Variants in LMBR1L observed in about 807,000 individuals in gnomAD.
The protein encoded by LMBR1L is protein LMBR1L.
A neutral mutation model predicts 67.3 loss-of-function variants in LMBR1L; 47 were observed. The observed-to-expected ratio is 0.70, with a 90% CI of 0.55 to 0.89. The LOEUF (loss-of-function observed/expected upper bound fraction) is 0.89. Ranked by LOEUF, LMBR1L falls within the 40% of genes least tolerant of loss-of-function variation. The pLI is 0.00. For missense variants in LMBR1L, 533 were observed against 599.2 expected, an observed-to-expected ratio of 0.89 and a Z score of 1.15; for synonymous variants, 247 against 250.3, an observed-to-expected ratio of 0.99 and a Z score of 0.13.
At chr12:49,100,342 T>C (rs369647758) in intron 15 of LMBR1L, 46 bp downstream of exon 15, 2 of 1,452,474 alleles carry the variant, frequency 1.4e-6, no homozygotes, top group African/African-American at 2.8e-5. Context: ...CATCAGTAAG[T>C]ACTCAAAAAA....
intron 6 of LMBR1L, 43 bp downstream of exon 6, chr12:49,103,644 C>T (rs777908883): frequency 6.3e-7 from 1 of 1,576,902 alleles, no homozygotes; most frequent in Non-Finnish European, 8.6e-7. Context: ...GGACATGGGC[C>T]AACTGAAAAG....
chr12:49,108,713 G>A (rs771224932), intron 1 of LMBR1L, among the ~76,000 whole-genome samples: 6 of 152,094 alleles, frequency 3.9e-5, no homozygotes, highest in East Asian at 1.9e-4. Flanking sequence ...CAGCCTGGGC[G>A]ACAGAGTGAG....
chr12:49,100,466 C>G lies in LMBR1L; in HGVS notation c.1174-12G>C, dbSNP rs774761434. The stretch of plus-strand genomic sequence containing the variant: ...CAGTTCCCAATTATCTGGGTGGAAG[C>G]AGGGAAAGGAGAGGTGAGGGTGGAA... On this transcript the variant is annotated splice_polypyrimidine_tract_variant and intron_variant, in intron 14 of 16. Transcript: ENST00000267102. 6.2e-7 allele frequency: 1 copy of G among 1,613,426 alleles called. No homozygotes were observed. The highest frequency in any genetic ancestry group is 8.5e-7 in the Non-Finnish European group (1 of 1,179,320).
intron 8 of LMBR1L, 45 bp from the exon 9 acceptor site, chr12:49,102,585 G>C (rs762318879): frequency 1.6e-5 from 26 of 1,585,978 alleles, no homozygotes; most frequent in African/African-American, 2.7e-5. Context: ...GAGGCTCCCT[G>C]ACCCAAAGGC....
chr12:49,099,767 G>A (rs1939892323), intron 15 of LMBR1L, among the ~76,000 whole-genome samples: 1 of 152,102 alleles, frequency 6.6e-6, no homozygotes, highest in Non-Finnish European at 1.5e-5. Flanking sequence ...TTTTAGTAGA[G>A]ATGGGGTTTC....
At chr12:49,109,102 G>T (rs945681792) in intron 1 of LMBR1L, among the ~76,000 whole-genome samples, 3 of 152,178 alleles carry the variant, frequency 2.0e-5, no homozygotes, top group Non-Finnish European at 4.4e-5. Context: ...CAAGAAGCTA[G>T]GCTGCTCTCT....
intron 8 of LMBR1L, 74 bp downstream of exon 8, chr12:49,102,813 G>A (rs1940377738): frequency 7.2e-7 from 1 of 1,380,374 alleles, no homozygotes; most frequent in African/African-American, 1.4e-5. Context: ...CAACCATAGG[G>A]TTGTTTCATT....
chr12:49,103,071 C>T lies in LMBR1L; in HGVS notation c.631+20G>A, dbSNP rs748109893. The T allele has an allele frequency of 6.2e-7, 1 of 1,613,458 alleles. No homozygotes were observed. Among genetic ancestry groups the T allele is most frequent in the Non-Finnish European group, 8.5e-7 (1 of 1,179,402 alleles). ...GGTCCAAGGACCCTGCCCATTCCCT[C>T]CCAGACCCTGTACACTCACCCAGGA... is the stretch of plus-strand genomic sequence containing the variant. On this transcript the variant is annotated intron_variant, in intron 7 of 16. Transcript: ENST00000267102.
chr12:49,101,554 G>A lies in LMBR1L; in HGVS notation c.931-5C>T. On this transcript the variant is annotated splice_polypyrimidine_tract_variant and splice_region_variant and intron_variant, in intron 11 of 16. Transcript: ENST00000267102. ...CACAATGAGCACAGACAGGCCCTGTGTGAGGCAAGGTCAGACTCCCATTCC... is the reference window on the plus strand; with the variant it reads ...CACAATGAGCACAGACAGGCCCTGTATGAGGCAAGGTCAGACTCCCATTCC... 1.2e-6 allele frequency: 2 copies of A among 1,609,122 alleles called. No homozygotes were observed. Among genetic ancestry groups the A allele is most frequent in the Non-Finnish European group, 1.7e-6 (2 of 1,176,850 alleles).
At chr12:49,098,496 AC>A (rs1403621676) in intron 15 of LMBR1L, among the ~76,000 whole-genome samples, 1 of 151,858 alleles carries the variant, frequency 6.6e-6, no homozygotes, top group Admixed American at 6.6e-5. Context: ...TCCCAACTCC[AC>A]CCCTAACTAG....
intron 1 of LMBR1L, among the ~76,000 whole-genome samples, chr12:49,108,399 T>C (rs1941161925): frequency 6.6e-6 from 1 of 151,846 alleles, no homozygotes; most frequent in South Asian, 2.1e-4. Flanking sequence ...CTGTCTCTAC[T>C]AAAAATACAA....
rs938644506 is a variant in LMBR1L, at chr12:49,106,965, G to A, written c.153C>T (p.Thr51=). The change falls in exon 2 of 17, where the codon ACC becomes ACT. Residue 51 remains threonine, a synonymous_variant. Transcript: ENST00000267102. ...LTRFKKPAEF[T]TVDDEDATVN... ...GAGGGAGGGAAATCAAAGTACCTGT[G>A]GTGAACTCAGCAGGCTTCTTGAAGC... 6.2e-7 allele frequency: 1 copy of A among 1,607,782 alleles called. No individual in the cohort carries two copies. The highest frequency in any genetic ancestry group is 8.5e-7 in the Non-Finnish European group (1 of 1,174,308).
intron 11 of LMBR1L, chr12:49,101,757 TG>T: frequency 1.7e-6 from 1 of 585,310 alleles, no homozygotes; most frequent in South Asian, 2.2e-5. Context: ...ATGGAAGGAT[TG>T]CAAAAAGGCT....
At chr12:49,102,663 C>A in intron 8 of LMBR1L, 123 bp from the exon 9 acceptor site, 1 of 1,046,274 alleles carries the variant, frequency 9.6e-7, no homozygotes, top group Non-Finnish European at 1.4e-6. Flanking sequence ...CATTCACCAC[C>A]CTGTGGCCCG....
intron 7 of LMBR1L, 69 bp from the exon 8 acceptor site, chr12:49,103,020 C>T: frequency 1.2e-6 from 2 of 1,606,868 alleles, no homozygotes; most frequent in Non-Finnish European, 1.7e-6. Flanking sequence ...GCCCCCCATT[C>T]CCTTTCCTTC....
At position 49,103,051 on chromosome 12, in the gene LMBR1L, A is replaced by C. The variant is rs757070067; in HGVS notation, c.631+40T>G. 1.6e-5 allele frequency: 26 copies of C among 1,610,524 alleles called. No individual in the cohort carries two copies. In the South Asian group the frequency reaches 2.2e-4, roughly 14 times the overall value. ...CCTTCTAGCCTGGTTACTCTGGTCC[A>C]AGGACCCTGCCCATTCCCTCCCAGA... is the stretch of plus-strand genomic sequence containing the variant. On this transcript the variant is annotated intron_variant, in intron 7 of 16. Transcript: ENST00000267102.
chr12:49,103,775 C>T lies in LMBR1L; in HGVS notation c.474G>A (p.Leu158=), dbSNP rs1940531553. 2 of 1,614,068 alleles carry T rather than the reference C, an allele frequency of 1.2e-6. No individual in the cohort carries two copies. The highest frequency in any genetic ancestry group is 1.7e-6 in the Non-Finnish European group (2 of 1,179,990). The change falls in exon 6 of 17, where the codon TTG becomes TTA. Residue 158 remains leucine, a synonymous_variant. Coordinates refer to ENST00000267102, the MANE Select transcript of LMBR1L (RefSeq NM_018113.4). ...LGRVYETVVM[L]MLLTLLVLGM... is the part of the protein sequence containing the mutation. ...CTAGCACCAGCAGAGTGAGGAGCAT[C>T]AACATCACCACTGTCTCATAGACCC...
At chr12:49,104,948 GC>G in intron 3 of LMBR1L, 63 bp from the exon 4 acceptor site, 1 of 1,544,918 alleles carries the variant, frequency 6.5e-7, no homozygotes, top group South Asian at 1.2e-5. Context: ...TGCTGAAGAA[GC>G]CCCATTTGTC....
In LMBR1L at chr12:49,097,937, C is replaced by G; in HGVS notation, c.1402+7G>C. 1.2e-6 allele frequency: 2 copies of G among 1,608,490 alleles called. No individual in the cohort carries two copies. Among genetic ancestry groups the G allele is most frequent in the Middle Eastern group, 1.7e-4 (1 of 6,042 alleles). On this transcript the variant is annotated splice_region_variant and intron_variant, in intron 16 of 16. Transcript: ENST00000267102. ...CCCCACTAGCCTGCACCCTCACTCC[C>G]TCTCACCAAAGGCCCGGATCAGCTC...
Sources: allele counts gnomAD v4.1 joint callset (sites outside exome capture counted in the v4.1 genomes callset), GRCh38; gene constraint gnomAD v4.1.1; transcripts MANE v1.5; gene names NCBI Gene and HGNC (gene_info 2026-07-23, HGNC 2026-07-21).